The following DCAF17 variants were observed in gnomAD, a reference collection of about 807,000 sequenced individuals.
The protein encoded by DCAF17 is DDB1- and CUL4-associated factor 17.
DCAF17 carries 48 observed loss-of-function variants against 66.0 expected under a neutral mutation model. The observed-to-expected ratio is 0.73, with a 90% CI of 0.58 to 0.92. The LOEUF is 0.92. DCAF17 is among the 40% of genes least tolerant of loss of function. The pLI, the probability that DCAF17 is intolerant of heterozygous loss-of-function variation, is 0.00. For synonymous variants in DCAF17, 206 were observed against 214.6 expected, an observed-to-expected ratio of 0.96 and a Z score of 0.35; for missense variants, 562 against 622.8, an observed-to-expected ratio of 0.90 and a Z score of 1.04.
intron 9 of DCAF17, among the ~76,000 whole-genome samples, chr2:171,471,054 A>G (rs1696218254): frequency 6.6e-6 from 1 of 152,224 alleles, no homozygotes; most frequent in African/African-American, 2.4e-5. Context: ...CTTTAAATCT[A>G]AATAATGGCC....
chr2:171,438,062 C>T (rs1250867321), intron 2 of DCAF17, among the ~76,000 whole-genome samples: 1 of 152,232 alleles, frequency 6.6e-6, no homozygotes, highest in African/African-American at 2.4e-5. Flanking sequence ...GTTGTATGTG[C>T]ATTTTCATTT....
At chr2:171,455,591 T>C (rs955834672) in intron 6 of DCAF17, among the ~76,000 whole-genome samples, 4 of 152,262 alleles carry the variant, frequency 2.6e-5, no homozygotes, top group Admixed American at 6.5e-5. Context: ...ACCACCACAC[T>C]GTCTTCCATA....
intron 2 of DCAF17, among the ~76,000 whole-genome samples, chr2:171,436,763 CAG>C (rs942051867): frequency 2.7e-5 from 4 of 149,388 alleles, no homozygotes; most frequent in African/African-American, 9.9e-5. Flanking sequence ...TTGTTTGAAA[CAG>C]AGAGGTTAAT....
intron 2 of DCAF17, among the ~76,000 whole-genome samples, chr2:171,439,405 A>G (rs1343582154): frequency 6.6e-6 from 1 of 151,960 alleles, no homozygotes. Flanking sequence ...CCTATCTTCA[A>G]ACTCACTGAT....
intron 2 of DCAF17, among the ~76,000 whole-genome samples, chr2:171,436,009 T>C (rs1693912234): frequency 6.6e-6 from 1 of 152,190 alleles, no homozygotes; most frequent in South Asian, 2.1e-4. Flanking sequence ...CCCTCAGCCC[T>C]AAGCAACCAC....
chr2:171,471,473 T>C (rs1696240917), intron 9 of DCAF17, among the ~76,000 whole-genome samples: 1 of 152,204 alleles, frequency 6.6e-6, no homozygotes, highest in Non-Finnish European at 1.5e-5. Flanking sequence ...AACAATCTCC[T>C]AAAAAGATAT....
At chr2:171,443,906 A>G (rs889640206) in intron 3 of DCAF17, among the ~76,000 whole-genome samples, 2 of 152,212 alleles carry the variant, frequency 1.3e-5, no homozygotes, top group Non-Finnish European at 2.9e-5. Context: ...CTAATGTATA[A>G]TTATCTTAGT....
In DCAF17 at chr2:171,452,778, T is replaced by A. The variant is rs909471517; in HGVS notation, c.538-346T>A. Among the ~76,000 whole-genome samples, 4 of 152,252 alleles carry A rather than the reference T, an allele frequency of 2.6e-5. No homozygotes were observed. In the East Asian group the frequency reaches 7.7e-4, roughly 29 times the overall value. On this transcript the variant is annotated intron_variant, in intron 5 of 13. Coordinates refer to ENST00000375255, the MANE Select transcript of DCAF17 (RefSeq NM_025000.4). ...CTGATCCAGCAGCTTTCAAATGATA[T>A]GAGCACGATAACTACATTATCTTTT...
intron 2 of DCAF17, 110 bp from the exon 3 acceptor site, chr2:171,443,413 A>G (rs1694430266): frequency 1.3e-6 from 1 of 783,808 alleles, no homozygotes; most frequent in East Asian, 2.7e-5. Flanking sequence ...GAAAGCAAAT[A>G]AATTGTGCCT....
intron 2 of DCAF17, among the ~76,000 whole-genome samples, chr2:171,438,879 G>T (rs1694122661): frequency 9.1e-6 from 1 of 110,316 alleles, no homozygotes; most frequent in African/African-American, 3.1e-5. Context: ...TAGGACTATA[G>T]GCATGTGGCT....
In DCAF17 at chr2:171,484,044, G is replaced by C. The variant is rs1377414356; in HGVS notation, c.*2930G>C. 4.4e-6 allele frequency: 2 copies of C among 453,764 alleles called. No individual in the cohort carries two copies. Among genetic ancestry groups the C allele is most frequent in the African/African-American group, 4.0e-5 (2 of 49,944 alleles). 28.1% of individuals were successfully genotyped at this position (453,764 alleles called of 1,614,324 possible). A position where few individuals can be genotyped will look rare whatever the true frequency, so the allele number is the denominator to read the frequency against. ...CTAAATTTTGAACAAATTTGGGTAA[G>C]ATACAAGTCACACATAAATTGACAG... On this transcript the variant is annotated 3_prime_UTR_variant, in exon 14 of 14. Coordinates refer to ENST00000375255, the MANE Select transcript of DCAF17 (RefSeq NM_025000.4).
chr2:171,435,029 C>A, intron 1 of DCAF17, 54 bp from the exon 2 acceptor site: 1 of 1,379,874 alleles, frequency 7.2e-7, no homozygotes. Flanking sequence ...AATTTAAAAT[C>A]TAACTTAAAG....
intron 5 of DCAF17, among the ~76,000 whole-genome samples, chr2:171,450,257 T>G (rs1265571136): frequency 6.6e-6 from 1 of 152,152 alleles, no homozygotes. Context: ...GGGTGAGGGA[T>G]GAAACACTAC....
intron 12 of DCAF17, 175 bp from the exon 13 acceptor site, chr2:171,479,863 A>T (rs1369383794): frequency 7.5e-6 from 5 of 666,870 alleles, no homozygotes; most frequent in Non-Finnish European, 9.9e-6. Context: ...CTTGGAGCTG[A>T]TGTTTTACTA....
In DCAF17 at chr2:171,457,966, G is replaced by A. The variant is rs376150622; in HGVS notation, c.628-5G>A. 43 of 1,612,094 alleles carry A rather than the reference G, an allele frequency of 2.7e-5. No homozygotes were observed. The highest frequency in any genetic ancestry group is 4.5e-5 in the East Asian group (2 of 44,882). Reference sequence around the variant, plus strand: ...TCAGGTGATATCTGTCTTTCCCCCCGCCAGATTTTTGGGAACGTTACAGAT... The same window carrying A: ...TCAGGTGATATCTGTCTTTCCCCCCACCAGATTTTTGGGAACGTTACAGAT... On this transcript the variant is annotated splice_polypyrimidine_tract_variant and splice_region_variant and intron_variant, in intron 6 of 13. Coordinates refer to ENST00000375255, the MANE Select transcript of DCAF17 (RefSeq NM_025000.4).
intron 3 of DCAF17, chr2:171,447,317 G>T: frequency 7.3e-6 from 2 of 273,944 alleles, no homozygotes; most frequent in South Asian, 3.1e-5. Flanking sequence ...TTCACTTTTT[G>T]GCCTAAGCAG....
intron 3 of DCAF17, among the ~76,000 whole-genome samples, chr2:171,444,140 C>CT (rs1694479218): frequency 1.3e-5 from 2 of 152,158 alleles, no homozygotes; most frequent in Admixed American, 6.5e-5. Flanking sequence ...CTGTGAAAAA[C>CT]TAAGTTTGGG....
In DCAF17 at chr2:171,458,376, T is replaced by C; in HGVS notation, c.737T>C (p.Met246Thr). 6.2e-7 allele frequency: 1 copy of C among 1,613,944 alleles called. No homozygotes were observed. The highest frequency in any genetic ancestry group is 8.5e-7 in the Non-Finnish European group (1 of 1,179,862). ...YSFQTIAEQFMQQKLDLGCAC... is the reference protein window; with the variant it reads ...YSFQTIAEQFTQQKLDLGCAC... ...TTTGTTTTGTTTTGTTTTTAGTTCA[T>C]GCAACAGAAACTTGACTTAGGGTGT... The change falls in exon 8 of 14, where the codon ATG (methionine) becomes ACG (threonine). Residue 246 changes from methionine (M) to threonine (T), a missense_variant. By Grantham distance (81) the Met-to-Thr change is moderately conservative (BLOSUM62 -1). This residue lies in a region of DCAF17 where 348 missense variants were observed against 355.9 expected (regional missense o/e 0.98). Transcript: ENST00000375255.
intron 9 of DCAF17, among the ~76,000 whole-genome samples, chr2:171,473,585 C>CA (rs1696361108): frequency 6.6e-6 from 1 of 151,970 alleles, no homozygotes; most frequent in East Asian, 1.9e-4. Flanking sequence ...GTTCCTGACA[C>CA]AAAGTAGATG....
Sources: gnomAD v4.1 joint callset for allele counts (sites outside exome capture counted in the v4.1 genomes callset) on GRCh38, gnomAD v4.1.1 for gene constraint, gnomAD v4.1.1 regional missense constraint, MANE v1.5 for transcripts, NCBI Gene and HGNC (gene_info 2026-07-23, HGNC 2026-07-21) for gene names.